The following GAPVD1 variants were observed in gnomAD, a reference collection of about 807,000 sequenced individuals.
GAPVD1 encodes GTPase activating protein and VPS9 domains 1, also known as GTPase-activating protein and VPS9 domain-containing protein 1.
A neutral mutation model predicts 155.5 loss-of-function variants in GAPVD1; 35 were observed. The ratio of observed to expected loss-of-function variants is 0.23; its 90% confidence interval spans 0.17 to 0.30. The LOEUF is 0.30. Among genes scored for constraint, GAPVD1 ranks in the 10% least tolerant of loss-of-function variants. The pLI is 1.00. For missense variants in GAPVD1, 1,429 were observed against 1,775.7 expected, an observed-to-expected ratio of 0.80 and a Z score of 3.51; for synonymous variants, 636 against 619.7, an observed-to-expected ratio of 1.03 and a Z score of -0.39.
Position 125,302,190 on chromosome 9 carries a change from A to G in GAPVD1, c.393A>G (p.Thr131=). 2 of 1,613,784 alleles carry G rather than the reference A, an allele frequency of 1.2e-6. No individual in the cohort carries two copies. The highest frequency in any genetic ancestry group is 1.7e-6 in the Non-Finnish European group (2 of 1,179,778). ...NQENTQSVIY[T]VFTSLYGNCI... is the part of the protein sequence containing the mutation. ...AGAACACACAAAGTGTTATTTACAC[A>G]GTTTTTACCTCCCTGTATGGCAATT... Residue 131 remains threonine (T), a synonymous_variant, in exon 5 of 28, where the codon ACA becomes ACG. Coordinates refer to ENST00000297933, the MANE Select transcript of GAPVD1 (RefSeq NM_001282680.3).
intron 26 of GAPVD1, among the ~76,000 whole-genome samples, chr9:125,360,297 T>C (rs1435415721): frequency 2.0e-5 from 3 of 152,212 alleles, no homozygotes; most frequent in Non-Finnish European, 4.4e-5. Flanking sequence ...AATGCCCTTT[T>C]TCTATTAATG....
At chr9:125,359,165 C>T (rs1850554080) in intron 25 of GAPVD1, among the ~76,000 whole-genome samples, 1 of 152,170 alleles carries the variant, frequency 6.6e-6, no homozygotes, top group Non-Finnish European at 1.5e-5. Flanking sequence ...CCTCTCCTTT[C>T]TTCCTTGCAG....
chr9:125,279,909 C>T (rs1836473358), intron 2 of GAPVD1, among the ~76,000 whole-genome samples: 1 of 151,244 alleles, frequency 6.6e-6, no homozygotes, highest in Non-Finnish European at 1.5e-5. Flanking sequence ...TACAGGTACG[C>T]ACCACCATGC....
chr9:125,312,164 C>T (rs1260218726), intron 8 of GAPVD1, among the ~76,000 whole-genome samples: 1 of 152,186 alleles, frequency 6.6e-6, no homozygotes, highest in Non-Finnish European at 1.5e-5. Context: ...TTTATTGTGA[C>T]ATGTTTGCTG....
chr9:125,290,230 G>A (rs999569909), intron 2 of GAPVD1, among the ~76,000 whole-genome samples: 1 of 152,138 alleles, frequency 6.6e-6, no homozygotes, highest in Non-Finnish European at 1.5e-5. Flanking sequence ...AGAGGGGAAA[G>A]TGAAGTAGAG....
chr9:125,333,398 A>G (rs560061516), intron 15 of GAPVD1, among the ~76,000 whole-genome samples: 19 of 151,282 alleles, frequency 1.3e-4, no homozygotes, highest in Admixed American at 6.6e-4. Flanking sequence ...ATTTTTTAAA[A>G]ACCTATGCAA....
intron 2 of GAPVD1, among the ~76,000 whole-genome samples, chr9:125,274,155 T>C (rs1835368845): frequency 6.6e-6 from 1 of 151,646 alleles, no homozygotes; most frequent in Middle Eastern, 3.4e-3. Flanking sequence ...GTAGCTGTGA[T>C]TACAGGCTAA....
intron 2 of GAPVD1, among the ~76,000 whole-genome samples, chr9:125,294,319 G>A (rs1839473334): frequency 6.6e-6 from 1 of 150,916 alleles, no homozygotes; most frequent in African/African-American, 2.4e-5. Context: ...GGGATTACAG[G>A]CATGAGCCAC....
intron 2 of GAPVD1, among the ~76,000 whole-genome samples, chr9:125,287,433 G>A (rs1261651995): frequency 6.6e-6 from 1 of 152,122 alleles, no homozygotes; most frequent in East Asian, 1.9e-4. Context: ...AGGATTGCTT[G>A]AGCTGGGGAG....
rs146449560 is a variant in GAPVD1, at chr9:125,306,834, T to C, written c.1117-579T>C. 2.6e-5 allele frequency among the ~76,000 whole-genome samples: 4 copies of C among 152,270 alleles called. No homozygotes were observed. In the East Asian group the frequency reaches 7.7e-4, roughly 29 times the overall value. ...TATCAGTACAAAAAGAGTTTAATTT[T>C]TTTAGGTTGGGTGCAGTGGCTCATG... On this transcript the variant is annotated intron_variant, in intron 6 of 27. Transcript: ENST00000297933.
At chr9:125,293,873 T>TAAA (rs1290800850) in intron 2 of GAPVD1, among the ~76,000 whole-genome samples, 1 of 14,330 alleles carries the variant, frequency 7.0e-5, no homozygotes, top group African/African-American at 5.6e-4. Context: ...TATATATATA[T>TAAA]ATATATATAT....
intron 23 of GAPVD1, among the ~76,000 whole-genome samples, chr9:125,353,787 C>T (rs1202919055): frequency 6.6e-6 from 1 of 152,122 alleles, no homozygotes; most frequent in African/African-American, 2.4e-5. Flanking sequence ...AAAGACATGC[C>T]TCCATGATTC....
At chr9:125,293,658 T>TTATATATATTA (rs372257345) in intron 2 of GAPVD1, among the ~76,000 whole-genome samples, 18 of 42,056 alleles carry the variant, frequency 4.3e-4, no homozygotes, top group South Asian at 7.6e-4. Flanking sequence ...AATATATATA[T>TTATATATATTA]TATATATATA....
At chr9:125,339,732 G>A (rs1242225768) in intron 17 of GAPVD1, among the ~76,000 whole-genome samples, 1 of 152,062 alleles carries the variant, frequency 6.6e-6, no homozygotes, top group Admixed American at 6.5e-5. Context: ...AGTTTGTTTC[G>A]TCTTTCTTCC....
chr9:125,346,797 C>G (rs761938036), intron 19 of GAPVD1, 22 bp from the exon 20 acceptor site: 6 of 1,606,846 alleles, frequency 3.7e-6, no homozygotes, highest in East Asian at 4.5e-5. Flanking sequence ...GGCTAATTCT[C>G]TCACTCTCCT....
intron 6 of GAPVD1, 109 bp from the exon 7 acceptor site, chr9:125,307,304 T>A: frequency 9.9e-6 from 7 of 708,480 alleles, no homozygotes; most frequent in East Asian, 3.0e-5. Flanking sequence ...CTTAAAAAAA[T>A]ATGATTTTTA....
chr9:125,359,369 A>G (rs1452529838), intron 25 of GAPVD1, 51 bp from the exon 26 acceptor site: 4 of 981,040 alleles, frequency 4.1e-6, no homozygotes, highest in East Asian at 4.7e-5. Flanking sequence ...CTGTTTGTGT[A>G]CCATATTTTC....
At chr9:125,297,303 A>G (rs1840039800) in intron 3 of GAPVD1, among the ~76,000 whole-genome samples, 1 of 152,196 alleles carries the variant, frequency 6.6e-6, no homozygotes, top group African/African-American at 2.4e-5. Flanking sequence ...CTTACCTTCT[A>G]GTGGGGAAGC....
rs13291306 is a variant in GAPVD1, at chr9:125,362,519, A to T, written c.4243-87A>T. 0.43 allele frequency: 466,099 copies of T among 1,081,150 alleles called. 103,771 individuals are homozygous for T. Among genetic ancestry groups the T allele is most frequent in the Non-Finnish European group, 0.45 (343,281 of 756,566 alleles). 67.0% of individuals were successfully genotyped at this position (1,081,150 alleles called of 1,614,324 possible). A position where few individuals can be genotyped will look rare whatever the true frequency, so the allele number is the denominator to read the frequency against. On this transcript the variant is annotated intron_variant, in intron 27 of 27. Coordinates refer to ENST00000297933, the MANE Select transcript of GAPVD1 (RefSeq NM_001282680.3). ...TCAAAAGGATTGGTATGTCTTTCAT[A>T]GAAGAACATTCGAAGAACACTTAAA...
Sources: allele counts gnomAD v4.1 joint callset (sites outside exome capture counted in the v4.1 genomes callset), GRCh38; gene constraint gnomAD v4.1.1; transcripts MANE v1.5; gene names NCBI Gene and HGNC (gene_info 2026-07-23, HGNC 2026-07-21).